Variants in ZMAT1 observed in about 807,000 individuals in gnomAD.
The protein encoded by ZMAT1 is zinc finger matrin-type protein 1.
In ZMAT1, 11 loss-of-function variants were observed where a neutral mutation model predicts 18.5. That is an observed-to-expected ratio of 0.59 (90% confidence interval 0.37 to 0.98). The LOEUF (loss-of-function observed/expected upper bound fraction) is 0.98. ZMAT1 is among the 50% of genes least tolerant of loss of function. The pLI is 0.01. For synonymous variants in ZMAT1, 211 were observed against 176.4 expected (o/e 1.20, Z -1.55); for missense variants, 525 against 496.2 (o/e 1.06, Z -0.55).
rs773218374 is a variant in ZMAT1, at chrX:101,884,826, AAAG to A, written c.777-8_777-6del. 1 of 1,024,010 alleles carries A rather than the reference AAAG, an allele frequency of 9.8e-7. No individual in the cohort carries two copies. Among genetic ancestry groups the A allele is most frequent in the Non-Finnish European group, 1.3e-6 (1 of 745,153 alleles). 84.4% of individuals were successfully genotyped at this position (1,024,010 alleles called of 1,213,427 possible). ...AGATTGATAACAATGGATTCTCTGT[AAAG>A]AAGACAGTAGAAAATTGTTATTAGA... On this transcript the variant is annotated splice_region_variant and splice_polypyrimidine_tract_variant and intron_variant, in intron 5 of 5. Coordinates refer to ENST00000651725, the MANE Select transcript of ZMAT1 (RefSeq NM_001394560.1).
chrX:101,910,939 C>T (rs190203673), intron 1 of ZMAT1, among the ~76,000 whole-genome samples: 17 of 110,696 alleles, frequency 1.5e-4, no homozygotes, highest in Non-Finnish European at 2.5e-4. Context: ...TTATAGAACA[C>T]CAAGCAGATT....
intron 1 of ZMAT1, chrX:101,911,666 T>C (rs1253860040): frequency 8.3e-7 from 1 of 1,206,771 alleles, no homozygotes; most frequent in Admixed American, 2.2e-5. Flanking sequence ...GCCCTACGAA[T>C]GCAACCAGTG....
intron 4 of ZMAT1, among the ~76,000 whole-genome samples, chrX:101,896,241 AAAGT>A (rs1927795027): frequency 8.9e-6 from 1 of 112,214 alleles, no homozygotes; most frequent in African/African-American, 3.2e-5. Context: ...CTTGAGTAAC[AAAGT>A]AAGGCGTCTA....
intron 4 of ZMAT1, chrX:101,895,701 A>T: frequency 6.1e-6 from 1 of 165,126 alleles, no homozygotes; most frequent in Non-Finnish European, 9.8e-6. Flanking sequence ...AATGTTGTTG[A>T]GTCATTACTG....
At position 101,887,040 on chromosome X, in the gene ZMAT1, C is replaced by T. The variant is rs373738174; in HGVS notation, c.677-309G>A. The T allele has an allele frequency of 2.1e-4, 33 of 157,963 alleles. 3 individuals are homozygous for T. The highest frequency in any genetic ancestry group is 1.3e-3 in the East Asian group (8 of 6,325). The allele number at this position is 157,963 out of a possible 1,213,427, so 13.0% of individuals were successfully genotyped here. Reference sequence around the variant, plus strand: ...TACTTACTGTTGCTACATGGAGGTGCAACAGGCACCTGAAATTTAGCATGG... The same window carrying T: ...TACTTACTGTTGCTACATGGAGGTGTAACAGGCACCTGAAATTTAGCATGG... On this transcript the variant is annotated intron_variant, in intron 4 of 5. Coordinates refer to ENST00000651725, the MANE Select transcript of ZMAT1 (RefSeq NM_001394560.1).
rs748961547 is a variant in ZMAT1 at position 101,907,137 on chromosome X, C to G, written c.293-2807G>C. On this transcript the variant is annotated intron_variant, in intron 1 of 5. Transcript: ENST00000651725. Reference sequence around the variant, plus strand: ...GGCCCATGCCAGTGGACCTAGGTGTCAGGCCCATCCAGTGTTCAGCCATCT... The same window carrying G: ...GGCCCATGCCAGTGGACCTAGGTGTGAGGCCCATCCAGTGTTCAGCCATCT... Among the ~76,000 whole-genome samples, 276 of 112,282 alleles carry G rather than the reference C, an allele frequency of 2.5e-3. 1 individual carries two copies. Among genetic ancestry groups the G allele is most frequent in the Non-Finnish European group, 3.2e-3 (172 of 53,174 alleles).
chrX:101,884,122 G>T lies in ZMAT1; in HGVS notation c.1476C>A (p.Pro492=). 8.3e-7 allele frequency: 1 copy of T among 1,209,495 alleles called. No homozygotes were observed. The highest frequency in any genetic ancestry group is 1.1e-6 in the Non-Finnish European group (1 of 895,089). ...GCTTTTGCTCCAACATTCTATGTCT[G>T]GGTCTGACATCAACCATTTCTCTGT... ...HRNREMVDVR[P]RHRMLEQKLP... Residue 492 remains proline, a synonymous_variant, in exon 6 of 6, where the codon CCC becomes CCA. Transcript: ENST00000651725.
chrX:101,910,710 G>A (rs935471215), intron 1 of ZMAT1, among the ~76,000 whole-genome samples: 25 of 111,554 alleles, frequency 2.2e-4, no homozygotes, highest in African/African-American at 7.5e-4. Context: ...TTGAAGATAG[G>A]CTACTTGAAA....
intron 1 of ZMAT1, among the ~76,000 whole-genome samples, chrX:101,910,971 A>C (rs1366437167): frequency 1.8e-5 from 2 of 111,352 alleles, no homozygotes; most frequent in Non-Finnish European, 3.8e-5. Context: ...CGACTACCCC[A>C]AGGCATTTAA....
chrX:101,912,421 G>A (rs868171349), intron 1 of ZMAT1, among the ~76,000 whole-genome samples: 6 of 112,449 alleles, frequency 5.3e-5, no homozygotes, highest in Admixed American at 2.8e-4. Context: ...AGGATTCACC[G>A]TATTCCAAAC....
chrX:101,927,353 T>C (rs1930116930), intron 1 of ZMAT1, among the ~76,000 whole-genome samples: 1 of 111,939 alleles, frequency 8.9e-6, no homozygotes, highest in African/African-American at 3.2e-5. Context: ...TGCAGATCTG[T>C]ACCTCTCAGC....
intron 1 of ZMAT1, among the ~76,000 whole-genome samples, chrX:101,923,632 C>T (rs191439298): frequency 8.9e-6 from 1 of 111,845 alleles, no homozygotes; most frequent in Non-Finnish European, 1.9e-5. Flanking sequence ...AAAGCTGGTT[C>T]TCTCCAAAAT....
intron 1 of ZMAT1, among the ~76,000 whole-genome samples, chrX:101,906,427 G>A (rs1352593909): frequency 9.4e-6 from 1 of 106,216 alleles, no homozygotes; most frequent in Non-Finnish European, 2.0e-5. Flanking sequence ...CCAGCCCCTG[G>A]AGGGAGCTAA....
intron 1 of ZMAT1, among the ~76,000 whole-genome samples, chrX:101,907,620 A>G (rs1183806405): frequency 3.6e-5 from 4 of 112,590 alleles, no homozygotes; most frequent in Non-Finnish European, 7.5e-5. Context: ...GATTCAAAAT[A>G]ACTGTTTTTA....
chrX:101,920,672 GC>G (rs944860366), intron 1 of ZMAT1, among the ~76,000 whole-genome samples: 7 of 112,155 alleles, frequency 6.2e-5, no homozygotes, highest in African/African-American at 2.3e-4. Flanking sequence ...TAAGTAGCAT[GC>G]TTTCCTAATT....
At chrX:101,885,234 G>A (rs911268370) in intron 5 of ZMAT1, among the ~76,000 whole-genome samples, 2 of 111,829 alleles carry the variant, frequency 1.8e-5, no homozygotes, top group Admixed American at 1.9e-4. Context: ...TATGGGTGGG[G>A]ACTAATAATA....
At chrX:101,885,196 A>G (rs1050308000) in intron 5 of ZMAT1, among the ~76,000 whole-genome samples, 3 of 111,619 alleles carry the variant, frequency 2.7e-5, no homozygotes, top group Admixed American at 9.5e-5. Context: ...TTGTTGTAGC[A>G]CTAAAAATGT....
chrX:101,893,452 T>C (rs958126853), intron 4 of ZMAT1, among the ~76,000 whole-genome samples: 1 of 111,747 alleles, frequency 8.9e-6, no homozygotes, highest in Non-Finnish European at 1.9e-5. Flanking sequence ...TAATCCTAGA[T>C]AAAAACACGT....
Position 101,902,932 on chromosome X carries a change from G to A in ZMAT1, c.399+1292C>T, listed in dbSNP as rs1372242773. Among the ~76,000 whole-genome samples, 4 of 111,406 alleles carry A rather than the reference G, an allele frequency of 3.6e-5. No individual in the cohort carries two copies. The East Asian group carries it at 1.1e-3, about 31-fold the overall frequency. On this transcript the variant is annotated intron_variant, in intron 2 of 5. Transcript: ENST00000651725. The stretch of plus-strand genomic sequence containing the variant: ...AATGCATGTGTATATGTGTGTGTGT[G>A]TGTTCAGAAATCATATTGGAATCAC...
Sources: gnomAD v4.1 joint callset for allele counts (sites outside exome capture counted in the v4.1 genomes callset) on GRCh38, gnomAD v4.1.1 for gene constraint, MANE v1.5 for transcripts, NCBI Gene and HGNC (gene_info 2026-07-23, HGNC 2026-07-21) for gene names.